The following EFHC2 variants were observed in gnomAD, a reference collection of about 807,000 sequenced individuals.
EFHC2 encodes the protein EF-hand domain-containing family member C2.
In EFHC2, 18 loss-of-function variants were observed where a neutral mutation model predicts 52.7. That is an observed-to-expected ratio of 0.34 (90% CI 0.24 to 0.51). The LOEUF (loss-of-function observed/expected upper bound fraction) is 0.51. Among genes scored for constraint, EFHC2 ranks in the 20% least tolerant of loss-of-function variants. The pLI is 0.97. For synonymous variants in EFHC2, 203 were observed against 204.1 expected (o/e 0.99, Z 0.04); for missense variants, 513 against 562.5 (o/e 0.91, Z 0.89).
intron 2 of EFHC2, among the ~76,000 whole-genome samples, chrX:44,292,209 TACACAC>T (rs747764616): frequency 3.7e-5 from 4 of 109,512 alleles, no homozygotes; most frequent in Non-Finnish European, 5.7e-5. Context: ...ATTTATCACA[TACACAC>T]ACACACACAG....
intron 8 of EFHC2, 78 bp from the exon 9 acceptor site, chrX:44,235,525 G>A: frequency 2.1e-6 from 2 of 964,839 alleles, no homozygotes; most frequent in South Asian, 5.8e-5. Context: ...GTCTGCAAAA[G>A]ATATAATATG....
intron 2 of EFHC2, chrX:44,309,635 G>A (rs2037931288): frequency 2.6e-6 from 3 of 1,139,400 alleles, no homozygotes; most frequent in African/African-American, 1.8e-5. Flanking sequence ...GATGGTTTGT[G>A]TACCAGGTGT....
intron 13 of EFHC2, among the ~76,000 whole-genome samples, chrX:44,169,812 G>C (rs1008046292): frequency 2.7e-5 from 3 of 110,959 alleles, no homozygotes; most frequent in Non-Finnish European, 5.7e-5. Context: ...AAGATCCTAA[G>C]AGCATTCCAA....
At chrX:44,317,333 C>A in intron 1 of EFHC2, among the ~76,000 whole-genome samples, 1 of 112,443 alleles carries the variant, frequency 8.9e-6, no homozygotes, top group Non-Finnish European at 1.9e-5. Flanking sequence ...AGTTTGCCAA[C>A]ATTCTGCATT....
At position 44,259,743 on chromosome X, in the gene EFHC2, T is replaced by C. The variant is rs1022726253; in HGVS notation, c.606+1332A>G. 1.6e-4 allele frequency among the ~76,000 whole-genome samples: 18 copies of C among 111,755 alleles called. 1 individual carries two copies. The Admixed American group carries it at 1.7e-3, about 11-fold the overall frequency. On this transcript the variant is annotated intron_variant, in intron 4 of 14. Transcript: ENST00000420999. ...AGTTCTCTCTGCTGGTTCTAAATTCTTTCTATTTATCTAGACTCTTTCATC... is the reference window on the plus strand; with the variant it reads ...AGTTCTCTCTGCTGGTTCTAAATTCCTTCTATTTATCTAGACTCTTTCATC...
chrX:44,324,272 C>T (rs1418458701), intron 1 of EFHC2, among the ~76,000 whole-genome samples: 2 of 110,225 alleles, frequency 1.8e-5, no homozygotes, highest in African/African-American at 6.6e-5. Flanking sequence ...GCTTCAATTC[C>T]CTATGATTTC....
At chrX:44,200,581 G>A (rs1414751150) in intron 11 of EFHC2, among the ~76,000 whole-genome samples, 1 of 110,897 alleles carries the variant, frequency 9.0e-6, no homozygotes, top group African/African-American at 3.3e-5. Context: ...AAATGTAGCA[G>A]CACAGAATGA....
intron 2 of EFHC2, among the ~76,000 whole-genome samples, chrX:44,308,711 A>T (rs908481732): frequency 8.9e-5 from 10 of 112,268 alleles, no homozygotes; most frequent in Non-Finnish European, 1.7e-4. Context: ...TAAACACAGG[A>T]CTGACTTTAA....
At chrX:44,337,556 C>T (rs1482534227) in intron 1 of EFHC2, among the ~76,000 whole-genome samples, 1 of 111,449 alleles carries the variant, frequency 9.0e-6, no homozygotes, top group Non-Finnish European at 1.9e-5. Context: ...TCAAGAGATC[C>T]ACAGAAAACT....
intron 14 of EFHC2, among the ~76,000 whole-genome samples, chrX:44,155,287 G>A (rs1240124634): frequency 1.8e-5 from 2 of 111,785 alleles, no homozygotes; most frequent in Non-Finnish European, 3.8e-5. Context: ...GTTCATCAGT[G>A]GTGAAAAAAT....
At position 44,250,503 on chromosome X, in the gene EFHC2, T is replaced by C. The variant is rs1168010781; in HGVS notation, c.607-58A>G. On this transcript the variant is annotated intron_variant, in intron 4 of 14. Coordinates refer to ENST00000420999, the MANE Select transcript of EFHC2 (RefSeq NM_025184.4). ...AGGGTTTGCATAATCACTTCTAAGA[T>C]ATACACAATCAAGTGACAAATATAT... 5.4e-6 allele frequency: 6 copies of C among 1,103,877 alleles called. No homozygotes were observed. The African/African-American group carries it at 7.4e-5, about 14-fold the overall frequency. The allele number at this position is 1,103,877 out of a possible 1,213,427, so 91.0% of individuals were successfully genotyped here.
At chrX:44,157,781 G>A (rs781370446) in intron 14 of EFHC2, among the ~76,000 whole-genome samples, 224 of 37,559 alleles carry the variant, frequency 6.0e-3, no homozygotes, top group Non-Finnish European at 6.0e-3. Context: ...TACCCACCCC[G>A]TCAACAGTCC....
chrX:44,273,645 T>C (rs1195246504), intron 2 of EFHC2, among the ~76,000 whole-genome samples: 1 of 111,591 alleles, frequency 9.0e-6, no homozygotes, highest in Non-Finnish European at 1.9e-5. Context: ...ATGAATAATA[T>C]ATATCTTTAG....
intron 1 of EFHC2, among the ~76,000 whole-genome samples, chrX:44,336,000 G>A (rs113073113): frequency 0.041 from 4,630 of 112,098 alleles, 275 homozygotes; most frequent in African/African-American, 0.15. Context: ...GACACGAACA[G>A]ACATTTCACC....
chrX:44,236,644 A>G (rs749943395), intron 8 of EFHC2, among the ~76,000 whole-genome samples: 4 of 112,121 alleles, frequency 3.6e-5, no homozygotes, highest in Non-Finnish European at 5.6e-5. Flanking sequence ...CCTAGGCTTG[A>G]GGCCCCATGT....
At chrX:44,210,330 T>C (rs192483933) in intron 11 of EFHC2, among the ~76,000 whole-genome samples, 3 of 112,404 alleles carry the variant, frequency 2.7e-5, no homozygotes, top group African/African-American at 6.5e-5. Context: ...ATTGACAAGC[T>C]GATACCAAAG....
At chrX:44,190,950 C>T (rs565865867) in intron 11 of EFHC2, among the ~76,000 whole-genome samples, 1 of 111,318 alleles carries the variant, frequency 9.0e-6, no homozygotes, top group South Asian at 3.9e-4. Context: ...CTCCAGCCAC[C>T]CATGACCTTG....
Position 44,148,704 on chromosome X carries a change from CTTTT to C in EFHC2, c.*87_*90del. 2 of 767,226 alleles carry C rather than the reference CTTTT, an allele frequency of 2.6e-6. No homozygotes were observed. The highest frequency in any genetic ancestry group is 3.7e-6 in the Non-Finnish European group (2 of 536,191). The allele number at this position is 767,226 out of a possible 1,213,427, so 63.2% of individuals were successfully genotyped here. ...TTTCCATTTAATATAAACCTTGTTT[CTTTT>C]TTGTTTTTAATGAAATTATATCTAC... On this transcript the variant is annotated 3_prime_UTR_variant, in exon 15 of 15. Transcript: ENST00000420999.
intron 11 of EFHC2, among the ~76,000 whole-genome samples, chrX:44,187,928 T>A (rs572377138): frequency 9.1e-6 from 1 of 109,482 alleles, no homozygotes; most frequent in Non-Finnish European, 1.9e-5. Context: ...AAAAAGTGTT[T>A]CCTGTCAAAC....
Sources: gnomAD v4.1 joint callset for allele counts (sites outside exome capture counted in the v4.1 genomes callset) on GRCh38, gnomAD v4.1.1 for gene constraint, MANE v1.5 for transcripts, NCBI Gene and HGNC (gene_info 2026-07-23, HGNC 2026-07-21) for gene names.